The following PDE10A variants were observed in gnomAD, a reference collection of about 807,000 sequenced individuals.
PDE10A encodes the protein cAMP and cAMP-inhibited cGMP 3',5'-cyclic phosphodiesterase 10A.
PDE10A carries 39 observed loss-of-function variants against 97.7 expected under a neutral mutation model. That is an observed-to-expected ratio of 0.40 (90% confidence interval 0.31 to 0.52). The LOEUF is 0.52. Among genes scored for constraint, PDE10A ranks in the 20% least tolerant of loss-of-function variants. The pLI is 0.56. For missense variants in PDE10A, 731 were observed against 1,047.8 expected, an observed-to-expected ratio of 0.70 and a Z score of 4.17; for synonymous variants, 371 against 376.8, an observed-to-expected ratio of 0.98 and a Z score of 0.18.
At chr6:165,636,109 T>C (rs1788862330) in intron 1 of PDE10A, among the ~76,000 whole-genome samples, 1 of 152,256 alleles carries the variant, frequency 6.6e-6, no homozygotes, top group Admixed American at 6.5e-5. Flanking sequence ...AACAGACATT[T>C]ACATTTACAT....
chr6:165,728,289 T>C (rs1004904179), intron 1 of PDE10A, among the ~76,000 whole-genome samples: 4 of 152,158 alleles, frequency 2.6e-5, no homozygotes, highest in Non-Finnish European at 4.4e-5. Context: ...CAGCTTCTGA[T>C]GCAAAACCAG....
intron 1 of PDE10A, among the ~76,000 whole-genome samples, chr6:165,703,417 T>C (rs1281534734): frequency 6.6e-6 from 1 of 152,184 alleles, no homozygotes; most frequent in Non-Finnish European, 1.5e-5. Flanking sequence ...ACAAAGAACA[T>C]GGAGATAACC....
At chr6:165,471,037 C>T (rs1426088744) in intron 3 of PDE10A, among the ~76,000 whole-genome samples, 1 of 152,148 alleles carries the variant, frequency 6.6e-6, no homozygotes, top group Non-Finnish European at 1.5e-5. Context: ...CCTACAATTT[C>T]TCTTCTCTCA....
chr6:165,967,262 C>T (rs572472765), intron 1 of PDE10A, among the ~76,000 whole-genome samples: 9 of 152,258 alleles, frequency 5.9e-5, no homozygotes, highest in South Asian at 4.1e-4. Context: ...TTTGGGAGGC[C>T]GAGGCAGGCA....
At chr6:165,848,640 T>A (rs1355946697) in intron 1 of PDE10A, among the ~76,000 whole-genome samples, 1 of 152,204 alleles carries the variant, frequency 6.6e-6, no homozygotes, top group Non-Finnish European at 1.5e-5. Context: ...ACACTCCTCC[T>A]GGAAGCCTCA....
At chr6:165,938,976 A>G (rs527247242) in intron 1 of PDE10A, among the ~76,000 whole-genome samples, 5 of 152,356 alleles carry the variant, frequency 3.3e-5, no homozygotes, top group East Asian at 1.9e-4. Flanking sequence ...TGGAAATAAC[A>G]TAAGTGTCCA....
At chr6:165,618,154 G>C (rs537662870) in intron 1 of PDE10A, among the ~76,000 whole-genome samples, 1 of 152,324 alleles carries the variant, frequency 6.6e-6, no homozygotes, top group Admixed American at 6.5e-5. Flanking sequence ...TACATTTTAT[G>C]TGTGTTGTTT....
At chr6:165,519,413 T>C (rs914583184) in intron 2 of PDE10A, among the ~76,000 whole-genome samples, 1 of 151,744 alleles carries the variant, frequency 6.6e-6, no homozygotes, top group African/African-American at 2.4e-5. Flanking sequence ...AAAATGTCTA[T>C]CTCATCCAGG....
chr6:165,429,494 C>G (rs1789402577), intron 9 of PDE10A, among the ~76,000 whole-genome samples: 3 of 152,024 alleles, frequency 2.0e-5, no homozygotes, highest in Admixed American at 6.6e-5. Flanking sequence ...TAACTTCAAA[C>G]TAATTAATGA....
chr6:165,933,410 G>A (rs537744965), intron 1 of PDE10A, among the ~76,000 whole-genome samples: 2 of 152,272 alleles, frequency 1.3e-5, no homozygotes, highest in East Asian at 1.9e-4. Context: ...GATATTACCA[G>A]GCAATTCTAG....
chr6:165,846,286 A>G (rs1258607876), intron 1 of PDE10A, among the ~76,000 whole-genome samples: 1 of 152,220 alleles, frequency 6.6e-6, no homozygotes, highest in Non-Finnish European at 1.5e-5. Flanking sequence ...AGCCCTGCCA[A>G]GTTTCCAGAG....
chr6:165,922,772 G>C (rs1384366477), intron 1 of PDE10A, among the ~76,000 whole-genome samples: 1 of 152,218 alleles, frequency 6.6e-6, no homozygotes, highest in Non-Finnish European at 1.5e-5. Context: ...TTTGCAGATA[G>C]ATCTGCTCAC....
intron 1 of PDE10A, among the ~76,000 whole-genome samples, chr6:165,909,714 G>C (rs562430857): frequency 6.6e-6 from 1 of 152,270 alleles, no homozygotes; most frequent in South Asian, 2.1e-4. Context: ...CCAAGGGTGG[G>C]AACAGTCCCT....
At chr6:165,405,108 A>C (rs1408699420) in intron 13 of PDE10A, among the ~76,000 whole-genome samples, 2 of 152,088 alleles carry the variant, frequency 1.3e-5, no homozygotes, top group African/African-American at 4.8e-5. Flanking sequence ...TGTGTGTATT[A>C]TGTTCCTGTG....
chr6:165,514,973 T>C (rs1269556454), intron 2 of PDE10A, among the ~76,000 whole-genome samples: 3 of 152,240 alleles, frequency 2.0e-5, no homozygotes, highest in Non-Finnish European at 4.4e-5. Context: ...TAGCTTTAGC[T>C]AGAAATCCTT....
chr6:165,437,925 CAT>C (rs1194295081), intron 5 of PDE10A, among the ~76,000 whole-genome samples: 1 of 152,170 alleles, frequency 6.6e-6, no homozygotes, highest in African/African-American at 2.4e-5. Flanking sequence ...GTTAGAATCA[CAT>C]GTTTTGCAGA....
chr6:165,357,615 A>C (rs1300426488), intron 18 of PDE10A, among the ~76,000 whole-genome samples: 1 of 152,092 alleles, frequency 6.6e-6, no homozygotes, highest in African/African-American at 2.4e-5. Context: ...TTTCTCAAAA[A>C]ATTTATCCGG....
intron 1 of PDE10A, among the ~76,000 whole-genome samples, chr6:165,625,318 AG>A (rs1562640383): frequency 6.6e-6 from 1 of 152,226 alleles, no homozygotes; most frequent in Non-Finnish European, 1.5e-5. Flanking sequence ...AATGGGCTGC[AG>A]GCAGAGCAGT....
At position 165,979,813 on chromosome 6, in the gene PDE10A, T is replaced by C. The variant is rs1015141256; in HGVS notation, c.-615+7716A>G. On this transcript the variant is annotated intron_variant, in intron 1 of 19. Coordinates refer to the PDE10A transcript ENST00000366882. ...AAAGTCACGACACTCAGAGTTACCA[T>C]TGTGGTTATGAGAACTCAAGAGTAA... is the stretch of plus-strand genomic sequence containing the variant. Among the ~76,000 whole-genome samples, 5 of 152,236 alleles carry C rather than the reference T, an allele frequency of 3.3e-5. No individual in the cohort carries two copies. In the South Asian group the frequency reaches 6.2e-4, roughly 19 times the overall value.
Sources: gnomAD v4.1 joint callset for allele counts (sites outside exome capture counted in the v4.1 genomes callset) on GRCh38, gnomAD v4.1.1 for gene constraint, MANE v1.5 for transcripts, NCBI Gene and HGNC (gene_info 2026-07-23, HGNC 2026-07-21) for gene names.